STX17: variants seen among roughly 807,000 people sequenced by gnomAD.
STX17 encodes syntaxin 17, also known as syntaxin-17.
In STX17, 29 loss-of-function variants were observed where a neutral mutation model predicts 35.9. The ratio of observed to expected loss-of-function variants is 0.81; its 90% CI spans 0.60 to 1.10. The LOEUF (loss-of-function observed/expected upper bound fraction) is 1.10, where lower values mean the gene tolerates loss of function less well. Ranked by LOEUF, STX17 falls within the 50% of genes least tolerant of loss-of-function variation. STX17 has a pLI of 0.00. For synonymous variants in STX17, 92 were observed against 118.3 expected (o/e 0.78, Z 1.44); for missense variants, 312 against 352.3 (o/e 0.89, Z 0.92).
rs1358387835 is a variant in STX17, at chr9:99,968,497, G to A, written c.733G>A (p.Gly245Ser). 4.3e-6 allele frequency: 7 copies of A among 1,611,372 alleles called. No individual in the cohort carries two copies. Among genetic ancestry groups the A allele is most frequent in the Non-Finnish European group, 5.9e-6 (7 of 1,178,602 alleles). The change falls in exon 8 of 8, where the codon GGT becomes AGT. Residue 245 changes from glycine to serine, a missense_variant. Physicochemically the swap from Gly to Ser is moderately conservative, Grantham distance 56. Coordinates refer to ENST00000259400, the MANE Select transcript of STX17 (RefSeq NM_017919.3). ...TGCACTCATCGGGGGAATGGTAGGG[G>A]GTCCTATTGGCCTCCTTGCAGGCTT... ...AGALIGGMVG[G>S]PIGLLAGFKV...
At chr9:99,933,863 T>A (rs1297199242) in intron 3 of STX17, among the ~76,000 whole-genome samples, 2 of 152,218 alleles carry the variant, frequency 1.3e-5, no homozygotes, top group African/African-American at 4.8e-5. Context: ...CAAAGCTTCA[T>A]CTTCCTCAGC....
intron 3 of STX17, among the ~76,000 whole-genome samples, chr9:99,946,822 C>T (rs889259194): frequency 2.0e-5 from 3 of 152,120 alleles, no homozygotes; most frequent in Non-Finnish European, 4.4e-5. Context: ...TTTAGGCTTT[C>T]GTTATTGCTG....
At chr9:99,953,441 C>A (rs1829645484) in intron 4 of STX17, among the ~76,000 whole-genome samples, 1 of 152,042 alleles carries the variant, frequency 6.6e-6, no homozygotes, top group Admixed American at 6.6e-5. Flanking sequence ...AGCACTCAAT[C>A]CTTGGTTGAA....
chr9:99,947,022 A>G (rs950929662), intron 3 of STX17, among the ~76,000 whole-genome samples: 6 of 152,022 alleles, frequency 3.9e-5, no homozygotes, highest in African/African-American at 1.4e-4. Context: ...GAAAATTCTC[A>G]GTCATTATCT....
chr9:99,968,308 C>G, intron 7 of STX17, 126 bp from the exon 8 acceptor site: 1 of 1,238,814 alleles, frequency 8.1e-7, no homozygotes, highest in Non-Finnish European at 1.1e-6. Context: ...CAAGTACAGT[C>G]TCTAAGGTTA....
At chr9:99,955,371 A>C (rs1234765101) in intron 4 of STX17, among the ~76,000 whole-genome samples, 2 of 152,012 alleles carry the variant, frequency 1.3e-5, no homozygotes, top group Non-Finnish European at 2.9e-5. Context: ...TGTATTTTCT[A>C]TTGGTTTTAA....
intron 3 of STX17, among the ~76,000 whole-genome samples, chr9:99,946,209 A>G (rs1829478532): frequency 2.0e-5 from 3 of 152,156 alleles, no homozygotes; most frequent in Non-Finnish European, 4.4e-5. Context: ...TATATTAGGT[A>G]TTATAAGTAA....
chr9:99,923,169 A>T (rs974445360), intron 2 of STX17, among the ~76,000 whole-genome samples: 1 of 151,802 alleles, frequency 6.6e-6, no homozygotes, highest in African/African-American at 2.4e-5. Flanking sequence ...TATGGGCAGG[A>T]ATATCACATG....
At chr9:99,955,854 A>C (rs1415139664) in intron 4 of STX17, among the ~76,000 whole-genome samples, 1 of 151,938 alleles carries the variant, frequency 6.6e-6, no homozygotes, top group African/African-American at 2.4e-5. Context: ...AACAGTTACA[A>C]TTTTTTACTT....
At chr9:99,947,991 G>A (rs1325696062) in intron 3 of STX17, among the ~76,000 whole-genome samples, 1 of 132,170 alleles carries the variant, frequency 7.6e-6, no homozygotes, top group Admixed American at 7.6e-5. Flanking sequence ...TTTGATTTTT[G>A]TTCAACTTTT....
chr9:99,912,813 C>A (rs1828690397), intron 1 of STX17, among the ~76,000 whole-genome samples: 1 of 152,138 alleles, frequency 6.6e-6, no homozygotes, highest in Non-Finnish European at 1.5e-5. Context: ...GTTCTTTCAT[C>A]CACCCATTTA....
intron 4 of STX17, among the ~76,000 whole-genome samples, chr9:99,959,456 CTTTTTT>C (rs35078503): frequency 9.0e-6 from 1 of 111,092 alleles, no homozygotes; most frequent in Admixed American, 1.1e-4. Context: ...ATGGATAAAT[CTTTTTT>C]TTTTTTTTTT....
At chr9:99,912,056 G>T (rs188523656) in intron 1 of STX17, among the ~76,000 whole-genome samples, 2 of 152,166 alleles carry the variant, frequency 1.3e-5, no homozygotes, top group Admixed American at 1.3e-4. Flanking sequence ...GCAAAATCCC[G>T]TCTCTACTAA....
In STX17 at chr9:99,968,698, G is replaced by A. The variant is rs368860879; in HGVS notation, c.*25G>A. ...AAAACCAAATTTCAGTATTATTGGTGCCAACATGTCTATCCTGAGGACCTT... is the reference window on the plus strand; with the variant it reads ...AAAACCAAATTTCAGTATTATTGGTACCAACATGTCTATCCTGAGGACCTT... On this transcript the variant is annotated 3_prime_UTR_variant, in exon 8 of 8. Transcript: ENST00000259400. The A allele has an allele frequency of 3.7e-6, 6 of 1,603,782 alleles. No homozygotes were observed. Among genetic ancestry groups the A allele is most frequent in the Non-Finnish European group, 5.1e-6 (6 of 1,174,800 alleles).
intron 3 of STX17, among the ~76,000 whole-genome samples, chr9:99,936,003 G>C (rs1474209875): frequency 6.6e-6 from 1 of 152,170 alleles, no homozygotes; most frequent in South Asian, 2.1e-4. Flanking sequence ...AGAGTTAGTA[G>C]GCAGCTTTTG....
chr9:99,964,511 G>C (rs1486795750), intron 6 of STX17, among the ~76,000 whole-genome samples: 1 of 152,080 alleles, frequency 6.6e-6, no homozygotes, highest in Non-Finnish European at 1.5e-5. Context: ...ATTGTTAAAG[G>C]AATGCTGAGA....
At chr9:99,966,341 A>G (rs761776655) in intron 6 of STX17, among the ~76,000 whole-genome samples, 2 of 152,234 alleles carry the variant, frequency 1.3e-5, no homozygotes, top group Non-Finnish European at 2.9e-5. Context: ...GAAGATAGAC[A>G]TATTTTGTGT....
In STX17 at chr9:99,971,695, T is replaced by A. The variant is rs1433739404; in HGVS notation, c.*3022T>A. 6.6e-6 allele frequency among the ~76,000 whole-genome samples: 1 copy of A among 152,158 alleles called. No individual in the cohort carries two copies. Among genetic ancestry groups the A allele is most frequent in the Non-Finnish European group, 1.5e-5 (1 of 68,046 alleles). Reference sequence around the variant, plus strand: ...AGGTCTGTTGAGCTACAAAAACTTTTATGTCTCTCAGACTATACAGCCTCT... The same window carrying A: ...AGGTCTGTTGAGCTACAAAAACTTTAATGTCTCTCAGACTATACAGCCTCT... On this transcript the variant is annotated 3_prime_UTR_variant, in exon 8 of 8. Coordinates refer to ENST00000259400, the MANE Select transcript of STX17 (RefSeq NM_017919.3).
chr9:99,944,682 T>G (rs1829440803), intron 3 of STX17, among the ~76,000 whole-genome samples: 1 of 151,828 alleles, frequency 6.6e-6, no homozygotes. Flanking sequence ...ACCCGGCTAA[T>G]TTTTTGTATT....
Sources: gnomAD v4.1 joint callset for allele counts (sites outside exome capture counted in the v4.1 genomes callset) on GRCh38, gnomAD v4.1.1 for gene constraint, MANE v1.5 for transcripts, NCBI Gene and HGNC (gene_info 2026-07-23, HGNC 2026-07-21) for gene names.